OSBPL7: variants seen among roughly 807,000 people sequenced by gnomAD.
OSBPL7 encodes the protein oxysterol-binding protein-related protein 7.
OSBPL7 carries 66 observed loss-of-function variants against 115.8 expected under a neutral mutation model. The ratio of observed to expected loss-of-function variants is 0.57; its 90% CI spans 0.47 to 0.70. OSBPL7 has a LOEUF of 0.70. Ranked by LOEUF, OSBPL7 falls within the 30% of genes least tolerant of loss-of-function variation. OSBPL7 has a pLI of 0.00. For synonymous variants in OSBPL7, 441 were observed against 439.2 expected (o/e 1.00, Z -0.05); for missense variants, 902 against 1,125.5 (o/e 0.80, Z 2.84).
In OSBPL7 at chr17:47,813,248, C is replaced by T; in HGVS notation, c.1737+18G>A. 6.2e-7 allele frequency: 1 copy of T among 1,613,568 alleles called. No homozygotes were observed. Among genetic ancestry groups the T allele is most frequent in the South Asian group, 1.1e-5 (1 of 91,054 alleles). ...GCCCCAGACACCCAAGGCCAGCCCT[C>T]TTCTCCCAAGGCCATACCTGCTCAC... On this transcript the variant is annotated intron_variant, in intron 16 of 22. Transcript: ENST00000007414.
chr17:47,819,099 T>A lies in OSBPL7; in HGVS notation c.256A>T (p.Ile86Phe), dbSNP rs377508692. The change falls in exon 5 of 23, where the codon ATC becomes TTC. Residue 86 changes from isoleucine (I) to phenylalanine (F), a missense_variant and splice_region_variant. Physicochemically the swap from Ile to Phe is conservative, Grantham distance 21. Coordinates refer to ENST00000007414, the MANE Select transcript of OSBPL7 (RefSeq NM_145798.3). Reference sequence around the variant, plus strand: ...GAGCCATGGAGCTTCCCCTTGGTGATCTGGGGGTGAAGTGTTGGTAGAGGG... The same window carrying A: ...GAGCCATGGAGCTTCCCCTTGGTGAACTGGGGGTGAAGTGTTGGTAGAGGG... ...ILHYATTRQD[I>F]TKGKLHGSID... 2 of 1,613,366 alleles carry A rather than the reference T, an allele frequency of 1.2e-6. No individual in the cohort carries two copies. Among genetic ancestry groups the A allele is most frequent in the African/African-American group, 2.7e-5 (2 of 75,000 alleles).
chr17:47,816,894 A>C lies in OSBPL7; in HGVS notation c.703-22T>G. On this transcript the variant is annotated intron_variant, in intron 8 of 22. Transcript: ENST00000007414. The surrounding 1 kb of genome is among the most constrained non-coding windows in gnomAD (Gnocchi z 5.8). The stretch of plus-strand genomic sequence containing the variant: ...AGGCCTGGCAAGTCAAGGTGGGGGC[A>C]ATTTTACTCACAGGGTGGGGAAAAG... The C allele has an allele frequency of 1.2e-6, 2 of 1,610,792 alleles. No homozygotes were observed. The highest frequency in any genetic ancestry group is 1.7e-6 in the Non-Finnish European group (2 of 1,177,360).
chr17:47,815,151 C>T lies in OSBPL7; in HGVS notation c.1257+64G>A. On this transcript the variant is annotated intron_variant, in intron 13 of 22. Transcript: ENST00000007414. ...TGAGGAATCTATGGTCTCTGTGGACCCCACCCTTCTGTTCCCAAGGTCCCC... is the reference window on the plus strand; with the variant it reads ...TGAGGAATCTATGGTCTCTGTGGACTCCACCCTTCTGTTCCCAAGGTCCCC... 3 of 1,562,492 alleles carry T rather than the reference C, an allele frequency of 1.9e-6. No homozygotes were observed. The South Asian group carries it at 3.5e-5, about 18-fold the overall frequency.
chr17:47,809,911 C>CTTTTTTTTTTTTTTT (rs1159738939), intron 18 of OSBPL7, among the ~76,000 whole-genome samples: 2 of 46,706 alleles, frequency 4.3e-5, no homozygotes, highest in Non-Finnish European at 1.1e-4. Context: ...CTTTTCTTTT[C>CTTTTTTTTTTTTTTT]TTTTTTTTTT....
In OSBPL7 at chr17:47,815,326, G is replaced by A. The variant is rs370412709; in HGVS notation, c.1146C>T (p.Arg382=). The A allele has an allele frequency of 3.6e-5, 58 of 1,613,782 alleles. No homozygotes were observed. In the Admixed American group the frequency reaches 6.0e-4, roughly 17 times the overall value. The change falls in exon 13 of 23, where the codon CGC becomes CGT. Residue 382 remains arginine (R), a synonymous_variant. Coordinates refer to ENST00000007414, the MANE Select transcript of OSBPL7 (RefSeq NM_145798.3). ...EEQEALYMKG[R]ELTPQLSQTS... is the part of the protein sequence containing the mutation. Reference sequence around the variant, plus strand: ...TCTGCGATAGCTGGGGGGTGAGCTCGCGCCCCTTCATGTACAGAGCTTCTT... The same window carrying A: ...TCTGCGATAGCTGGGGGGTGAGCTCACGCCCCTTCATGTACAGAGCTTCTT...
chr17:47,811,582 G>A (rs993102038), intron 16 of OSBPL7, among the ~76,000 whole-genome samples: 1 of 152,224 alleles, frequency 6.6e-6, no homozygotes, highest in African/African-American at 2.4e-5. Flanking sequence ...ACAATGTCCT[G>A]TATCTGGGGC....
chr17:47,816,577 G>A lies in OSBPL7; in HGVS notation c.914C>T (p.Ala305Val). Residue 305 changes from alanine (A) to valine (V), a missense_variant, in exon 10 of 23, where the codon GCC (alanine) becomes GTC (valine). Ala to Val is a moderately conservative substitution (Grantham distance 64, BLOSUM62 0). Around this residue, in one of 3 missense-constraint regions of OSBPL7, gnomAD observed 667 missense variants for 788.7 expected, o/e 0.85. Coordinates refer to ENST00000007414, the MANE Select transcript of OSBPL7 (RefSeq NM_145798.3). This position sits in a 1 kb window ranked among gnomAD's most constrained non-coding sequence, Gnocchi z 5.8. Reference sequence around the variant, plus strand: ...CAGGCACTTACCCTTCTGGGCCAGGGCCCAGAAGCTGCGCTGCAGGTGGGC... The same window carrying A: ...CAGGCACTTACCCTTCTGGGCCAGGACCCAGAAGCTGCGCTGCAGGTGGGC... Reference protein sequence around the residue: ...DYAHLQRSFWALAQKVHSSLS... With the variant: ...DYAHLQRSFWVLAQKVHSSLS... 6.2e-7 allele frequency: 1 copy of A among 1,612,396 alleles called. No individual in the cohort carries two copies. The highest frequency in any genetic ancestry group is 8.5e-7 in the Non-Finnish European group (1 of 1,179,366).
chr17:47,809,796 C>T (rs1191542224), intron 18 of OSBPL7, among the ~76,000 whole-genome samples: 1 of 152,202 alleles, frequency 6.6e-6, no homozygotes, highest in Non-Finnish European at 1.5e-5. Context: ...TTAATCCTCA[C>T]CTCTCTTGGG....
chr17:47,815,122 G>A, intron 13 of OSBPL7, 93 bp downstream of exon 13: 3 of 1,486,742 alleles, frequency 2.0e-6, no homozygotes, highest in South Asian at 1.3e-5. Context: ...TGGTGAGAAG[G>A]GGCTGAGGAA....
At chr17:47,819,687 G>A (rs1012083549) in intron 4 of OSBPL7, 42 bp downstream of exon 4, 6 of 1,612,668 alleles carry the variant, frequency 3.7e-6, no homozygotes, top group Non-Finnish European at 5.1e-6. Context: ...GCATACTGGG[G>A]CCAGACTCCT....
intron 14 of OSBPL7, 25 bp downstream of exon 14, chr17:47,814,496 C>G: frequency 7.0e-7 from 1 of 1,423,768 alleles, no homozygotes; most frequent in South Asian, 1.1e-5. Flanking sequence ...TCCCACCCCT[C>G]CCTGCCTGCC....
intron 13 of OSBPL7, 91 bp from the exon 14 acceptor site, chr17:47,814,705 G>T: frequency 9.1e-7 from 1 of 1,100,436 alleles, no homozygotes; most frequent in Non-Finnish European, 1.4e-6. Flanking sequence ...TGCCCAACTA[G>T]CCCTTTGGTG....
intron 15 of OSBPL7, 92 bp from the exon 16 acceptor site, chr17:47,813,495 T>C (rs1025264822): frequency 5.3e-5 from 85 of 1,594,904 alleles, no homozygotes; most frequent in Admixed American, 1.2e-4. Flanking sequence ...ACTTCAGCAA[T>C]AAGGAACAGC....
Position 47,807,947 on chromosome 17 carries a change from T to TTAA in OSBPL7, c.*343_*344insTTA. 3.1e-6 allele frequency: 1 copy of TTAA among 325,750 alleles called. No homozygotes were observed. Among genetic ancestry groups the TTAA allele is most frequent in the South Asian group, 3.9e-5 (1 of 25,958 alleles). The allele number at this position is 325,750 out of a possible 1,614,324, so 20.2% of individuals were successfully genotyped here. ...GAGCGTCAAGGAGTCCCCTGTGTCC[T>TTAA]AGGAAGGCACTGAAATAGGGAACAG... On this transcript the variant is annotated 3_prime_UTR_variant, in exon 23 of 23. Coordinates refer to ENST00000007414, the MANE Select transcript of OSBPL7 (RefSeq NM_145798.3).
At position 47,820,265 on chromosome 17, in the gene OSBPL7, T is replaced by A; in HGVS notation, c.14A>T (p.Glu5Val). MDFQ[E>V]RDPPFLPESA... Reference sequence around the variant, plus strand: ...CTCAGGCAGGAAGGGCGGGTCCCTCTCTTGGAAGTCCATGGAGAAGGGAGA... The same window carrying A: ...CTCAGGCAGGAAGGGCGGGTCCCTCACTTGGAAGTCCATGGAGAAGGGAGA... The change falls in exon 2 of 23, where the codon GAG becomes GTG. Residue 5 changes from glutamate to valine, a missense_variant. Glu to Val is a moderately radical substitution (Grantham distance 121). This residue lies in a region of OSBPL7 where 667 missense variants were observed against 788.7 expected (regional missense o/e 0.85). Transcript: ENST00000007414. 1 of 1,613,730 alleles carries A rather than the reference T, an allele frequency of 6.2e-7. No homozygotes were observed. The highest frequency in any genetic ancestry group is 1.1e-5 in the South Asian group (1 of 91,006).
rs750605300 is a variant in OSBPL7, at chr17:47,809,058, T to C, written c.2170+18A>G. ...GCTGCTCCAGCCTCACCCAGCCCTC[T>C]GTGACCCCTCCACTTACTGGGTTTC... On this transcript the variant is annotated intron_variant, in intron 20 of 22. Transcript: ENST00000007414. 6.2e-7 allele frequency: 1 copy of C among 1,613,884 alleles called. No individual in the cohort carries two copies. Among genetic ancestry groups the C allele is most frequent in the East Asian group, 2.2e-5 (1 of 44,886 alleles).
At chr17:47,809,292 G>T in intron 19 of OSBPL7, 42 bp downstream of exon 19, 1 of 1,611,178 alleles carries the variant, frequency 6.2e-7, no homozygotes, top group South Asian at 1.1e-5. Context: ...AGAGACAGAG[G>T]CTGCCGGGGA....
At chr17:47,812,578 A>G (rs1292976698) in intron 16 of OSBPL7, among the ~76,000 whole-genome samples, 1 of 151,976 alleles carries the variant, frequency 6.6e-6, no homozygotes, top group East Asian at 1.9e-4. Flanking sequence ...TCTCCCTCTC[A>G]ACAAAAGCCT....
At chr17:47,817,165 C>G in intron 8 of OSBPL7, 91 bp downstream of exon 8, 1 of 1,045,210 alleles carries the variant, frequency 9.6e-7, no homozygotes, top group East Asian at 2.4e-5. Flanking sequence ...CTCCAGGAAA[C>G]TGCAGCGATG....
Sources: allele counts gnomAD v4.1 joint callset (sites outside exome capture counted in the v4.1 genomes callset), GRCh38; gene constraint gnomAD v4.1.1; regional missense constraint gnomAD v4.1.1; non-coding constraint Gnocchi (gnomAD v3.1); transcripts MANE v1.5; gene names NCBI Gene and HGNC (gene_info 2026-07-23, HGNC 2026-07-21).